Variants in TRPC6 observed in about 807,000 individuals in gnomAD.
TRPC6 encodes the protein short transient receptor potential channel 6.
Under a neutral mutation model 90.7 loss-of-function variants are expected in TRPC6, and 55 were observed. The ratio of observed to expected loss-of-function variants is 0.61; its 90% confidence interval spans 0.49 to 0.76. TRPC6 has a LOEUF of 0.76. Among genes scored for constraint, TRPC6 ranks in the 30% least tolerant of loss-of-function variants. TRPC6 has a pLI of 0.00. For missense variants in TRPC6, 989 were observed against 1,122.7 expected, an observed-to-expected ratio of 0.88 and a Z score of 1.70; for synonymous variants, 393 against 393.0, an observed-to-expected ratio of 1.00 and a Z score of 0.00.
chr11:101,522,592 CTTCT>C (rs1394284036), intron 1 of TRPC6, among the ~76,000 whole-genome samples: 2 of 152,096 alleles, frequency 1.3e-5, no homozygotes, highest in African/African-American at 4.8e-5. Flanking sequence ...TTTACATTCC[CTTCT>C]TTATTTTTTT....
chr11:101,504,883 C>A, intron 1 of TRPC6, 85 bp from the exon 2 acceptor site: 2 of 1,491,420 alleles, frequency 1.3e-6, no homozygotes, highest in Non-Finnish European at 1.8e-6. Context: ...CTAATACAAT[C>A]CTCAAGTATA....
chr11:101,465,256 TTA>T (rs1474825246), intron 10 of TRPC6, among the ~76,000 whole-genome samples: 1 of 152,154 alleles, frequency 6.6e-6, no homozygotes, highest in Non-Finnish European at 1.5e-5. Flanking sequence ...AATCTGATGA[TTA>T]TGTGTCTTGG....
At position 101,547,596 on chromosome 11, in the gene TRPC6, G is replaced by A. The variant is rs118115878; in HGVS notation, c.170+35738C>T. On this transcript the variant is annotated intron_variant, in intron 1 of 12. Coordinates refer to ENST00000344327, the MANE Select transcript of TRPC6 (RefSeq NM_004621.6). ...CCCCAGTATATCAATTGAGATCATC[G>A]ATTTCTGTTATGAATATTTCTTCCT... 5.8e-3 allele frequency among the ~76,000 whole-genome samples: 882 copies of A among 152,202 alleles called. 4 individuals are homozygous for A. Among genetic ancestry groups the A allele is most frequent in the Non-Finnish European group, 7.4e-3 (506 of 67,998 alleles).
At position 101,583,460 on chromosome 11, in the gene TRPC6, G is replaced by C. The variant is rs1416562342; in HGVS notation, c.44C>G (p.Pro15Arg). 2 of 1,532,892 alleles carry C rather than the reference G, an allele frequency of 1.3e-6. No homozygotes were observed. Among genetic ancestry groups the C allele is most frequent in the African/African-American group, 2.8e-5 (2 of 71,584 alleles). 95.0% of individuals were successfully genotyped at this position (1,532,892 alleles called of 1,614,324 possible). A position where few individuals can be genotyped will look rare whatever the true frequency, so the allele number is the denominator to read the frequency against. Residue 15 changes from proline (P) to arginine (R), a missense_variant, in exon 1 of 13, where the codon CCC becomes CGC. Coordinates refer to ENST00000344327, the MANE Select transcript of TRPC6 (RefSeq NM_004621.6). Reference sequence around the variant, plus strand: ...CGCAGCGGCTCCGGCAGCGCCCCGGGGAGAACTGCCCCTCCGGGGCCCGAA... The same window carrying C: ...CGCAGCGGCTCCGGCAGCGCCCCGGCGAGAACTGCCCCTCCGGGGCCCGAA... ...PAFGPRRGSS[P>R]RGAAGAAARR...
At chr11:101,583,079 G>T (rs1838960764) in intron 1 of TRPC6, 7 of 755,322 alleles carry the variant, frequency 9.3e-6, no homozygotes, top group Non-Finnish European at 1.1e-5. Context: ...TTACTATGCG[G>T]TCTCACTCTC....
chr11:101,541,432 G>A (rs915588164), intron 1 of TRPC6, among the ~76,000 whole-genome samples: 3 of 152,130 alleles, frequency 2.0e-5, no homozygotes, highest in African/African-American at 7.2e-5. Flanking sequence ...TGCCATCTCG[G>A]CTCACTGCAA....
chr11:101,542,184 TAGA>T (rs1861188545), intron 1 of TRPC6, among the ~76,000 whole-genome samples: 2 of 152,214 alleles, frequency 1.3e-5, no homozygotes, highest in African/African-American at 4.8e-5. Flanking sequence ...ATTTCAAGGA[TAGA>T]TGAGACACGG....
At chr11:101,556,433 A>G (rs1861561669) in intron 1 of TRPC6, among the ~76,000 whole-genome samples, 1 of 152,194 alleles carries the variant, frequency 6.6e-6, no homozygotes, top group Non-Finnish European at 1.5e-5. Flanking sequence ...AGAAACAATT[A>G]TATGCCAACA....
At chr11:101,526,415 T>C (rs1214087860) in intron 1 of TRPC6, among the ~76,000 whole-genome samples, 1 of 152,242 alleles carries the variant, frequency 6.6e-6, no homozygotes, top group African/African-American at 2.4e-5. Flanking sequence ...TTTGGCATAG[T>C]TTAGTTTCTC....
chr11:101,533,718 A>C (rs1289651856), intron 1 of TRPC6, among the ~76,000 whole-genome samples: 2 of 152,046 alleles, frequency 1.3e-5, no homozygotes, highest in Non-Finnish European at 2.9e-5. Context: ...TTTTTTTTTA[A>C]GGTATTTCAG....
At chr11:101,513,662 T>A (rs1407925420) in intron 1 of TRPC6, among the ~76,000 whole-genome samples, 1 of 152,148 alleles carries the variant, frequency 6.6e-6, no homozygotes, top group Non-Finnish European at 1.5e-5. Flanking sequence ...ATTTTTCCCT[T>A]CTTTAAGCTG....
chr11:101,565,038 C>T (rs1861798508), intron 1 of TRPC6, among the ~76,000 whole-genome samples: 2 of 151,936 alleles, frequency 1.3e-5, no homozygotes, highest in Admixed American at 1.3e-4. Flanking sequence ...TAAATTGGAC[C>T]CTTCTTACAC....
intron 1 of TRPC6, among the ~76,000 whole-genome samples, chr11:101,515,972 G>A (rs534594928): frequency 2.4e-4 from 37 of 151,824 alleles, no homozygotes; most frequent in Non-Finnish European, 2.2e-4. Flanking sequence ...TAATTTTCAC[G>A]GCATTTGGTG....
intron 10 of TRPC6, among the ~76,000 whole-genome samples, chr11:101,457,567 T>C (rs572204819): frequency 6.6e-6 from 1 of 152,172 alleles, no homozygotes; most frequent in South Asian, 2.1e-4. Flanking sequence ...TGAAAAGGTA[T>C]GGACAATATA....
chr11:101,561,701 G>A (rs1041369432), intron 1 of TRPC6, among the ~76,000 whole-genome samples: 7 of 151,700 alleles, frequency 4.6e-5, no homozygotes, highest in African/African-American at 1.7e-4. Context: ...AGAGTTCCAG[G>A]GCTAAACTTA....
chr11:101,485,693 G>T (rs115720490), intron 4 of TRPC6, among the ~76,000 whole-genome samples: 74 of 152,172 alleles, frequency 4.9e-4, no homozygotes, highest in African/African-American at 1.7e-3. Context: ...GTTCCAGGAA[G>T]AATAAGAAGC....
chr11:101,493,441 T>C (rs148962532), intron 2 of TRPC6, among the ~76,000 whole-genome samples: 36 of 152,256 alleles, frequency 2.4e-4, no homozygotes, highest in African/African-American at 7.5e-4. Context: ...ATCTTTACAA[T>C]TGCTCAGGTT....
Position 101,545,334 on chromosome 11 carries a change from G to A in TRPC6, c.170+38000C>T, listed in dbSNP as rs182783550. ...GAGATTATTTATAGTATATAGGAGG[G>A]TGTGCCTAGGTTATATGAAAATACT... is the stretch of plus-strand genomic sequence containing the variant. On this transcript the variant is annotated intron_variant, in intron 1 of 12. Coordinates refer to ENST00000344327, the MANE Select transcript of TRPC6 (RefSeq NM_004621.6). Among the ~76,000 whole-genome samples the A allele has an allele frequency of 5.7e-4, 87 of 152,206 alleles. No homozygotes were observed. In the East Asian group the frequency reaches 0.012, roughly 21 times the overall value.
In TRPC6 at chr11:101,548,488, CTCTCTG is replaced by C. The variant is rs1291869136; in HGVS notation, c.170+34840_170+34845del. 7.0e-3 allele frequency among the ~76,000 whole-genome samples: 350 copies of C among 49,728 alleles called. 3 individuals are homozygous for C. The East Asian group carries it at 0.12, about 17-fold the overall frequency. 32.6% of individuals were successfully genotyped at this position (49,728 alleles called of 152,430 possible). On this transcript the variant is annotated intron_variant, in intron 1 of 12. Transcript: ENST00000344327. ...TATATATATATATATCTCTCTCTCT[CTCTCTG>C]TCTCTCACAGATGAGGAAAGTGAGG... is the stretch of plus-strand genomic sequence containing the variant.
Sources: allele counts gnomAD v4.1 joint callset (sites outside exome capture counted in the v4.1 genomes callset), GRCh38; gene constraint gnomAD v4.1.1; transcripts MANE v1.5; gene names NCBI Gene and HGNC (gene_info 2026-07-23, HGNC 2026-07-21).